The following DCC variants were observed in gnomAD, a reference collection of about 807,000 sequenced individuals.
DCC encodes the protein DCC netrin 1 receptor.
In DCC, 58 loss-of-function variants were observed where a neutral mutation model predicts 172.5. The observed-to-expected ratio is 0.34, with a 90% CI of 0.27 to 0.42. The LOEUF is 0.42. DCC is among the 10% of genes least tolerant of loss of function. DCC has a pLI of 1.00. For synonymous variants in DCC, 709 were observed against 644.5 expected (o/e 1.10, Z -1.52); for missense variants, 1,740 against 1,791.0 (o/e 0.97, Z 0.51).
chr18:52,698,100 G>A (rs1228833675), intron 1 of DCC, among the ~76,000 whole-genome samples: 2 of 152,038 alleles, frequency 1.3e-5, no homozygotes, highest in Non-Finnish European at 1.5e-5. Context: ...TGGGCTACTT[G>A]GATAAATGAT....
At chr18:53,343,962 A>G (rs1248959280) in intron 15 of DCC, among the ~76,000 whole-genome samples, 2 of 151,822 alleles carry the variant, frequency 1.3e-5, no homozygotes, top group African/African-American at 4.8e-5. Context: ...TCTGTTATCT[A>G]TGGTTATTAA....
At chr18:53,388,946 G>A (rs1599095921) in intron 16 of DCC, among the ~76,000 whole-genome samples, 1 of 151,942 alleles carries the variant, frequency 6.6e-6, no homozygotes, top group South Asian at 2.1e-4. Flanking sequence ...CACTATACCT[G>A]GTATTTTTTG....
chr18:52,892,173 T>C (rs1208465734), intron 2 of DCC, among the ~76,000 whole-genome samples: 1 of 152,118 alleles, frequency 6.6e-6, no homozygotes, highest in Non-Finnish European at 1.5e-5. Flanking sequence ...TTAATACTTC[T>C]TTTTAAGTTC....
At chr18:53,317,591 T>C (rs778274176) in intron 13 of DCC, among the ~76,000 whole-genome samples, 7 of 152,216 alleles carry the variant, frequency 4.6e-5, no homozygotes, top group Non-Finnish European at 1.0e-4. Context: ...AGAATTCGGC[T>C]ATAAATCCAT....
intron 1 of DCC, among the ~76,000 whole-genome samples, chr18:52,697,828 C>T (rs7226526): frequency 0.24 from 35,914 of 151,970 alleles, 4,981 homozygotes; most frequent in South Asian, 0.4. Context: ...TTCTGGAAGA[C>T]GTTTTTGGAA....
At position 52,964,280 on chromosome 18, in the gene DCC, A is replaced by G. The variant is rs1233163270; in HGVS notation, c.985+38910A>G. Among the ~76,000 whole-genome samples, 4 of 152,172 alleles carry G rather than the reference A, an allele frequency of 2.6e-5. No individual in the cohort carries two copies. The East Asian group carries it at 7.7e-4, about 29-fold the overall frequency. On this transcript the variant is annotated intron_variant, in intron 5 of 28. Coordinates refer to ENST00000442544, the MANE Select transcript of DCC (RefSeq NM_005215.4). Reference sequence around the variant, plus strand: ...AAAAAGGGAAATTCTGAAATAGTTTACCAACATTATAGTTCAGAAAAAGAC... The same window carrying G: ...AAAAAGGGAAATTCTGAAATAGTTTGCCAACATTATAGTTCAGAAAAAGAC...
intron 13 of DCC, among the ~76,000 whole-genome samples, chr18:53,320,032 A>G (rs901534078): frequency 6.6e-6 from 1 of 152,010 alleles, no homozygotes; most frequent in South Asian, 2.1e-4. Context: ...TTCATTTTAA[A>G]GAAAAATGAA....
At chr18:52,590,502 C>T (rs1292798642) in intron 1 of DCC, among the ~76,000 whole-genome samples, 1 of 152,182 alleles carries the variant, frequency 6.6e-6, no homozygotes, top group African/African-American at 2.4e-5. Flanking sequence ...CGTAATTTGA[C>T]ACTTTAGGAG....
chr18:52,340,530 C>T lies in DCC; in HGVS notation c.-258C>T, dbSNP rs1983578314. Reference sequence around the variant, plus strand: ...TTAGTTTTCTAAGGTTTTACCGGGGCTCGGGATCTCTTGGACCGAATGGAA... The same window carrying T: ...TTAGTTTTCTAAGGTTTTACCGGGGTTCGGGATCTCTTGGACCGAATGGAA... On this transcript the variant is annotated 5_prime_UTR_variant, in exon 1 of 29. Transcript: ENST00000442544. The T allele has an allele frequency of 1.8e-6, 1 of 568,400 alleles. No homozygotes were observed. Among genetic ancestry groups the T allele is most frequent in the African/African-American group, 1.9e-5 (1 of 53,142 alleles). The allele number at this position is 568,400 out of a possible 1,614,324, so 35.2% of individuals were successfully genotyped here. A position where few individuals can be genotyped will look rare whatever the true frequency, so the allele number is the denominator to read the frequency against.
At chr18:53,395,027 G>A (rs1908833631) in intron 17 of DCC, among the ~76,000 whole-genome samples, 1 of 151,884 alleles carries the variant, frequency 6.6e-6, no homozygotes, top group African/African-American at 2.4e-5. Context: ...CGGGGCGCCT[G>A]TAATCCCAGC....
chr18:53,271,323 G>T (rs1451456482), intron 12 of DCC, among the ~76,000 whole-genome samples: 2 of 152,108 alleles, frequency 1.3e-5, no homozygotes, highest in East Asian at 3.9e-4. Context: ...ATCTATTATT[G>T]CATAAAAAAT....
chr18:53,207,810 T>C lies in DCC; in HGVS notation c.1854T>C (p.Leu618=). ...CTGATGATATAACAGTGGTTACACT[T>C]TCTGACGGTAAGTTAAAAACAGTGA... ...VSTDDITVVT[L]SDVPSAPPQN... The change falls in exon 11 of 29, where the codon CTT becomes CTC. Residue 618 remains leucine, a synonymous_variant. Transcript: ENST00000442544. 6.2e-7 allele frequency: 1 copy of C among 1,612,214 alleles called. No homozygotes were observed. The highest frequency in any genetic ancestry group is 8.5e-7 in the Non-Finnish European group (1 of 1,178,372).
chr18:53,258,657 G>A (rs2056554190), intron 12 of DCC, among the ~76,000 whole-genome samples: 1 of 152,220 alleles, frequency 6.6e-6, no homozygotes, highest in South Asian at 2.1e-4. Flanking sequence ...TGGAATAGGT[G>A]TGGTGTTGTG....
intron 15 of DCC, among the ~76,000 whole-genome samples, chr18:53,384,857 CT>C (rs1456310337): frequency 6.9e-6 from 1 of 145,374 alleles, no homozygotes; most frequent in Admixed American, 6.9e-5. Context: ...ATTTTTTTTT[CT>C]TTTTTTTGAG....
intron 2 of DCC, among the ~76,000 whole-genome samples, chr18:52,884,210 C>T (rs901804571): frequency 1.3e-5 from 2 of 152,088 alleles, no homozygotes; most frequent in East Asian, 1.9e-4. Context: ...GCTCAATAAA[C>T]CTTCTTGTGC....
intron 5 of DCC, among the ~76,000 whole-genome samples, chr18:53,013,512 G>T (rs1480698124): frequency 4.0e-5 from 6 of 151,866 alleles, no homozygotes; most frequent in African/African-American, 1.5e-4. Context: ...CATGGACAAA[G>T]GGGAACATCA....
intron 1 of DCC, among the ~76,000 whole-genome samples, chr18:52,505,597 A>C (rs1363884554): frequency 6.6e-6 from 1 of 152,214 alleles, no homozygotes; most frequent in Non-Finnish European, 1.5e-5. Context: ...TTGCTAGAGC[A>C]ATCAAAAAAT....
At chr18:52,343,642 T>C (rs1017400931) in intron 1 of DCC, among the ~76,000 whole-genome samples, 1 of 152,216 alleles carries the variant, frequency 6.6e-6, no homozygotes, top group African/African-American at 2.4e-5. Context: ...GGATCTCAGA[T>C]AAGATAACAA....
At chr18:52,687,151 T>C (rs1354829976) in intron 1 of DCC, among the ~76,000 whole-genome samples, 1 of 152,118 alleles carries the variant, frequency 6.6e-6, no homozygotes, top group East Asian at 1.9e-4. Flanking sequence ...TTCCAAAAAT[T>C]GAGTGTAGCA....
Sources: gnomAD v4.1 joint callset for allele counts (sites outside exome capture counted in the v4.1 genomes callset) on GRCh38, gnomAD v4.1.1 for gene constraint, MANE v1.5 for transcripts, NCBI Gene and HGNC (gene_info 2026-07-23, HGNC 2026-07-21) for gene names.